The following FGD1 variants were observed in gnomAD, a reference collection of about 807,000 sequenced individuals.
FGD1 encodes the protein FYVE, RhoGEF and PH domain-containing protein 1.
In FGD1, 12 loss-of-function variants were observed where a neutral mutation model predicts 65.0. The observed-to-expected ratio is 0.18, with a 90% CI of 0.12 to 0.30. FGD1 has a LOEUF of 0.30. Among genes scored for constraint, FGD1 ranks in the 10% least tolerant of loss-of-function variants. FGD1 has a pLI of 1.00. For synonymous variants in FGD1, 333 were observed against 343.9 expected (o/e 0.97, Z 0.35); for missense variants, 542 against 837.6 (o/e 0.65, Z 4.36).
In FGD1 at chrX:54,465,609, A is replaced by C. The variant is rs1334011171; in HGVS notation, c.1498-20T>G. Reference sequence around the variant, plus strand: ...CTCCTTCTGTGACAGGCAGAAGCAGAGGGGCTCAGATCTGGCTGCAGATGC... The same window carrying C: ...CTCCTTCTGTGACAGGCAGAAGCAGCGGGGCTCAGATCTGGCTGCAGATGC... On this transcript the variant is annotated intron_variant, in intron 7 of 17. Transcript: ENST00000375135. 1 of 1,209,878 alleles carries C rather than the reference A, an allele frequency of 8.3e-7. No individual in the cohort carries two copies. Among genetic ancestry groups the C allele is most frequent in the Admixed American group, 2.2e-5 (1 of 45,836 alleles).
chrX:54,456,170 G>A (rs1922498844), intron 10 of FGD1, 50 bp downstream of exon 10: 3 of 1,173,034 alleles, frequency 2.6e-6, no homozygotes. Context: ...CTATGTGTGT[G>A]TGTGTTGGGA....
intron 1 of FGD1, 128 bp downstream of exon 1, chrX:54,494,998 G>C: frequency 2.9e-6 from 2 of 692,644 alleles, no homozygotes; most frequent in Non-Finnish European, 4.4e-6. Context: ...AGGGGTTTGA[G>C]GGAACCCAAA....
At position 54,476,880 on chromosome X, in the gene FGD1, C is replaced by T. The variant is rs181972971; in HGVS notation, c.308-5393G>A. Among the ~76,000 whole-genome samples, 462 of 110,433 alleles carry T rather than the reference C, an allele frequency of 4.2e-3. 2 individuals are homozygous for T. The highest frequency in any genetic ancestry group is 0.014 in the African/African-American group (420 of 30,304). Reference sequence around the variant, plus strand: ...TTGAGGTGAGGCCTTACTATTTTGCCCAGGCTGGTGTCGAATTCCTGGGCT... The same window carrying T: ...TTGAGGTGAGGCCTTACTATTTTGCTCAGGCTGGTGTCGAATTCCTGGGCT... On this transcript the variant is annotated intron_variant, in intron 1 of 17. Coordinates refer to ENST00000375135, the MANE Select transcript of FGD1 (RefSeq NM_004463.3).
At chrX:54,449,336 C>T in intron 14 of FGD1, 68 bp from the exon 15 acceptor site, 7 of 1,167,824 alleles carry the variant, frequency 6.0e-6, no homozygotes, top group Non-Finnish European at 8.1e-6. Context: ...AGCCCTTGTT[C>T]CTGCTCCAAC....
At chrX:54,447,864 C>G (rs1232775018) in intron 16 of FGD1, among the ~76,000 whole-genome samples, 3 of 112,079 alleles carry the variant, frequency 2.7e-5, no homozygotes, top group Admixed American at 1.9e-4. Flanking sequence ...TTAATGAAGT[C>G]TGGCTTAGAA....
intron 17 of FGD1, among the ~76,000 whole-genome samples, chrX:54,446,709 C>T (rs925245204): frequency 5.1e-4 from 53 of 104,871 alleles, no homozygotes; most frequent in Admixed American, 2.1e-4. Context: ...TGCTATTGCC[C>T]CTATCTGCAT....
intron 8 of FGD1, among the ~76,000 whole-genome samples, chrX:54,463,593 C>T (rs1466286165): frequency 2.7e-5 from 3 of 111,729 alleles, no homozygotes; most frequent in Non-Finnish European, 5.6e-5. Context: ...TAAAATCCAT[C>T]TCCTTATCTT....
chrX:54,476,021 C>T (rs1353629761), intron 1 of FGD1, among the ~76,000 whole-genome samples: 2 of 111,793 alleles, frequency 1.8e-5, no homozygotes, highest in African/African-American at 3.3e-5. Flanking sequence ...GCTGAGATCG[C>T]ACCATTGCAC....
intron 1 of FGD1, among the ~76,000 whole-genome samples, chrX:54,481,964 C>A (rs1272995923): frequency 9.1e-6 from 1 of 109,875 alleles, no homozygotes; most frequent in Non-Finnish European, 1.9e-5. Context: ...GACGCAGGCA[C>A]GGGAACAGAC....
At chrX:54,492,106 C>G (rs1923425040) in intron 1 of FGD1, among the ~76,000 whole-genome samples, 1 of 111,206 alleles carries the variant, frequency 9.0e-6, no homozygotes. Context: ...TCTCTCAAAC[C>G]CCTCTCTGGC....
intron 11 of FGD1, 52 bp from the exon 12 acceptor site, chrX:54,455,579 C>T: frequency 9.0e-7 from 1 of 1,105,559 alleles, no homozygotes; most frequent in African/African-American, 1.8e-5. Context: ...CCACAGGGCC[C>T]TAGCCCTCTG....
At chrX:54,482,236 G>GCGCACGCACACACACA (rs796491256) in intron 1 of FGD1, among the ~76,000 whole-genome samples, 7 of 99,390 alleles carry the variant, frequency 7.0e-5, no homozygotes, top group African/African-American at 2.7e-4. Flanking sequence ...GCACACGCGC[G>GCGCACGCACACACACA]CACACACACA....
In FGD1 at chrX:54,455,748, G is replaced by A. The variant is rs750105234; in HGVS notation, c.1879C>T (p.Arg627Trp). ...DRLLYCVPRL[R>W]LLGQKFSVRA... ...ACGCTAAACTTCTGGCCAAGGAGCC[G>A]CAGCCTGGGCACGCAGTAAAGGAGG... Residue 627 changes from arginine (R) to tryptophan (W), a missense_variant, in exon 11 of 18, where the codon CGG (arginine) becomes TGG (tryptophan). This residue lies in a region of FGD1 where 182 missense variants were observed against 311.4 expected (regional missense o/e 0.58). Coordinates refer to ENST00000375135, the MANE Select transcript of FGD1 (RefSeq NM_004463.3). 9 of 1,187,874 alleles carry A rather than the reference G, an allele frequency of 7.6e-6. No homozygotes were observed. Among genetic ancestry groups the A allele is most frequent in the African/African-American group, 1.7e-5 (1 of 57,570 alleles).
intron 12 of FGD1, among the ~76,000 whole-genome samples, chrX:54,450,910 G>A (rs1474212103): frequency 1.8e-5 from 2 of 109,990 alleles, no homozygotes; most frequent in Non-Finnish European, 3.8e-5. Context: ...TTAGCCGGGC[G>A]TGATGGCTCA....
chrX:54,448,145 T>C lies in FGD1; in HGVS notation c.2436+661A>G, dbSNP rs181158843. ...TTTTATTATTTTTTGTTTATATTGG[T>C]CTACTTATCCTACTTTGTAATAACA... On this transcript the variant is annotated intron_variant, in intron 16 of 17. Coordinates refer to ENST00000375135, the MANE Select transcript of FGD1 (RefSeq NM_004463.3). 1.2e-3 allele frequency among the ~76,000 whole-genome samples: 133 copies of C among 111,923 alleles called. No individual in the cohort carries two copies. The East Asian group carries it at 0.024, about 20-fold the overall frequency.
At chrX:54,449,347 G>A in intron 14 of FGD1, 79 bp from the exon 15 acceptor site, 3 of 1,143,758 alleles carry the variant, frequency 2.6e-6, no homozygotes, top group Admixed American at 4.8e-5. Flanking sequence ...CTGCTCCAAC[G>A]CTTGGATTAT....
chrX:54,493,751 G>A (rs1156876342), intron 1 of FGD1, among the ~76,000 whole-genome samples: 6 of 112,186 alleles, frequency 5.3e-5, no homozygotes, highest in Admixed American at 9.4e-5. Flanking sequence ...GTTGCCAGCT[G>A]GTTATCTTCA....
intron 8 of FGD1, among the ~76,000 whole-genome samples, chrX:54,459,578 A>G (rs1922581196): frequency 1.8e-5 from 2 of 111,218 alleles, no homozygotes; most frequent in South Asian, 7.6e-4. Flanking sequence ...GGAACCAGAC[A>G]TATGATTCAG....
Position 54,468,667 on chromosome X carries a change from G to A in FGD1, c.1191+120C>T, listed in dbSNP as rs190858413. Reference sequence around the variant, plus strand: ...ACAAGCTGACTTCAAGGTCAGAGAGGAGCCTTACTGCCTCTAAATTCTGGC... The same window carrying A: ...ACAAGCTGACTTCAAGGTCAGAGAGAAGCCTTACTGCCTCTAAATTCTGGC... On this transcript the variant is annotated intron_variant, in intron 5 of 17. Coordinates refer to ENST00000375135, the MANE Select transcript of FGD1 (RefSeq NM_004463.3). 2.0e-3 allele frequency: 1,022 copies of A among 519,039 alleles called. 10 individuals carry two copies. In the African/African-American group the frequency reaches 0.022, roughly 11 times the overall value. The allele number at this position is 519,039 out of a possible 1,213,427, so 42.8% of individuals were successfully genotyped here. A position where few individuals can be genotyped will look rare whatever the true frequency, so the allele number is the denominator to read the frequency against.
Sources: allele counts gnomAD v4.1 joint callset (sites outside exome capture counted in the v4.1 genomes callset), GRCh38; gene constraint gnomAD v4.1.1; regional missense constraint gnomAD v4.1.1; transcripts MANE v1.5; gene names NCBI Gene and HGNC (gene_info 2026-07-23, HGNC 2026-07-21).